GPC6: variants seen among roughly 807,000 people sequenced by gnomAD.
GPC6 encodes the protein glypican 6.
In GPC6, 14 loss-of-function variants were observed where a neutral mutation model predicts 55.2. The observed-to-expected ratio is 0.25, with a 90% CI of 0.17 to 0.40. GPC6 has a LOEUF of 0.40. Ranked by LOEUF, GPC6 falls within the 10% of genes least tolerant of loss-of-function variation. The probability of loss-of-function intolerance (pLI) is 1.00; values close to 1 mark genes in which losing one functional copy is unlikely to be tolerated. For missense variants in GPC6, 641 were observed against 708.5 expected, an observed-to-expected ratio of 0.90 and a Z score of 1.08; for synonymous variants, 278 against 259.6, an observed-to-expected ratio of 1.07 and a Z score of -0.68.
chr13:93,719,859 G>T (rs1482507073), intron 2 of GPC6, among the ~76,000 whole-genome samples: 1 of 151,964 alleles, frequency 6.6e-6, no homozygotes, highest in Non-Finnish European at 1.5e-5. Flanking sequence ...TTTTGTCATT[G>T]GTTCTGTTTA....
chr13:93,363,277 C>T (rs1458169708), intron 1 of GPC6, among the ~76,000 whole-genome samples: 1 of 151,272 alleles, frequency 6.6e-6, no homozygotes, highest in Non-Finnish European at 1.5e-5. Context: ...AATGCTATCC[C>T]TCCCTCCTCC....
intron 3 of GPC6, among the ~76,000 whole-genome samples, chr13:94,006,834 T>G (rs1594660984): frequency 6.6e-6 from 1 of 152,176 alleles, no homozygotes; most frequent in East Asian, 1.9e-4. Flanking sequence ...TATATTAAAG[T>G]TTTTCAAGAA....
chr13:94,059,397 C>T (rs939054317), intron 4 of GPC6, among the ~76,000 whole-genome samples: 2 of 152,008 alleles, frequency 1.3e-5, no homozygotes, highest in African/African-American at 4.8e-5. Context: ...CGTTTACCCT[C>T]CTGCAGCCCC....
chr13:93,553,458 C>T (rs917065775), intron 2 of GPC6, among the ~76,000 whole-genome samples: 6 of 151,300 alleles, frequency 4.0e-5, no homozygotes, highest in African/African-American at 7.3e-5. Context: ...TTTAGGAGGC[C>T]GAGGCTGGCA....
Position 94,064,503 on chromosome 13 carries a change from G to A in GPC6, c.877+36609G>A, listed in dbSNP as rs116212796. The stretch of plus-strand genomic sequence containing the variant: ...AGAAAGAAAACCTGTATTGAATAAA[G>A]CCCCCAGTTGCCCAATATGTGTCTT... On this transcript the variant is annotated intron_variant, in intron 4 of 8. Transcript: ENST00000377047. Among the ~76,000 whole-genome samples the A allele has an allele frequency of 5.8e-3, 877 of 152,140 alleles. 11 individuals are homozygous for A. Among genetic ancestry groups the A allele is most frequent in the African/African-American group, 0.02 (845 of 41,514 alleles).
At chr13:93,638,972 T>C (rs936595184) in intron 2 of GPC6, among the ~76,000 whole-genome samples, 1 of 152,044 alleles carries the variant, frequency 6.6e-6, no homozygotes, top group African/African-American at 2.4e-5. Flanking sequence ...ACTCCTTTTA[T>C]GGAAGTAAAT....
chr13:93,917,491 T>G (rs1877350028), intron 3 of GPC6, among the ~76,000 whole-genome samples: 1 of 152,214 alleles, frequency 6.6e-6, no homozygotes, highest in African/African-American at 2.4e-5. Flanking sequence ...TAAAGAGAAT[T>G]CACCTTGACC....
chr13:93,509,389 C>T (rs1043464568), intron 1 of GPC6, among the ~76,000 whole-genome samples: 24 of 152,192 alleles, frequency 1.6e-4, no homozygotes, highest in African/African-American at 5.3e-4. Flanking sequence ...TCCAATAACA[C>T]GTCATGGTTG....
intron 2 of GPC6, among the ~76,000 whole-genome samples, chr13:93,805,805 A>G (rs1430509529): frequency 1.3e-5 from 2 of 152,150 alleles, no homozygotes; most frequent in East Asian, 3.9e-4. Flanking sequence ...GCTGGTTTCA[A>G]CTTAATTCCC....
chr13:93,239,635 A>T (rs201276607), intron 1 of GPC6, among the ~76,000 whole-genome samples: 1 of 147,554 alleles, frequency 6.8e-6, no homozygotes, highest in African/African-American at 2.5e-5. Flanking sequence ...GGTTTTGTTT[A>T]GTTCTGGTCT....
rs1283045609 is a variant in GPC6, at chr13:94,385,076, C to T, written c.1289+2526C>T. Among the ~76,000 whole-genome samples the T allele has an allele frequency of 3.3e-5, 5 of 152,048 alleles. No homozygotes were observed. The South Asian group carries it at 1.0e-3, about 32-fold the overall frequency. On this transcript the variant is annotated intron_variant, in intron 7 of 8. Transcript: ENST00000377047. ...CCAAGATACAGAAACCCTGTCTCTA[C>T]TAAAAATACAAAAATTAGCTGGGTG...
At chr13:93,270,240 A>G (rs1877470839) in intron 1 of GPC6, among the ~76,000 whole-genome samples, 1 of 129,852 alleles carries the variant, frequency 7.7e-6, no homozygotes, top group South Asian at 2.5e-4. Flanking sequence ...ATAAAGTGAG[A>G]CCTTTTCTCC....
intron 3 of GPC6, among the ~76,000 whole-genome samples, chr13:93,923,787 A>G (rs950057215): frequency 1.3e-5 from 2 of 152,222 alleles, no homozygotes; most frequent in Non-Finnish European, 2.9e-5. Context: ...ACTTTACACA[A>G]TTACTGTCAG....
intron 4 of GPC6, among the ~76,000 whole-genome samples, chr13:94,274,111 C>T (rs1892128864): frequency 6.6e-6 from 1 of 152,122 alleles, no homozygotes; most frequent in Non-Finnish European, 1.5e-5. Flanking sequence ...AAATACAAGG[C>T]ATCATTCTCC....
At chr13:93,465,497 A>G (rs1269899900) in intron 1 of GPC6, among the ~76,000 whole-genome samples, 1 of 152,206 alleles carries the variant, frequency 6.6e-6, no homozygotes, top group Non-Finnish European at 1.5e-5. Flanking sequence ...TGCTTCAACC[A>G]TATGAATCAA....
rs138850410 is a variant in GPC6 at position 94,058,738 on chromosome 13, C to T, written c.877+30844C>T. Among the ~76,000 whole-genome samples the T allele has an allele frequency of 2.5e-3, 383 of 152,302 alleles. 1 individual carries two copies. The highest frequency in any genetic ancestry group is 8.1e-3 in the South Asian group (39 of 4,830). ...CTGGTGAAAGCAGACTAGCTACTGT[C>T]ATTGAATGATGAGGTTCCTTCCCAT... On this transcript the variant is annotated intron_variant, in intron 4 of 8. Coordinates refer to ENST00000377047, the MANE Select transcript of GPC6 (RefSeq NM_005708.5).
intron 3 of GPC6, among the ~76,000 whole-genome samples, chr13:93,965,106 GTTTTTTTTTTT>G (rs5805837): frequency 1.5e-5 from 1 of 67,298 alleles, no homozygotes; most frequent in African/African-American, 6.1e-5. Flanking sequence ...CTATGAGTTT[GTTTTTTTTTTT>G]TTTTTTTTTT....
intron 4 of GPC6, among the ~76,000 whole-genome samples, chr13:94,210,293 A>T (rs1890039883): frequency 6.6e-6 from 1 of 151,472 alleles, no homozygotes; most frequent in Admixed American, 6.6e-5. Context: ...AGTAGCTGGG[A>T]TTACAGGTTT....
At chr13:93,612,402 G>A (rs1393882891) in intron 2 of GPC6, among the ~76,000 whole-genome samples, 1 of 152,072 alleles carries the variant, frequency 6.6e-6, no homozygotes, top group Non-Finnish European at 1.5e-5. Context: ...GGGAGGCTGA[G>A]GCAGGAGAAT....
Sources: gnomAD v4.1 joint callset for allele counts (sites outside exome capture counted in the v4.1 genomes callset) on GRCh38, gnomAD v4.1.1 for gene constraint, MANE v1.5 for transcripts, NCBI Gene and HGNC (gene_info 2026-07-23, HGNC 2026-07-21) for gene names.